RCC1: variants seen among roughly 807,000 people sequenced by gnomAD.
The protein encoded by RCC1 is regulator of chromosome condensation.
Under a neutral mutation model 44.4 loss-of-function variants are expected in RCC1, and 11 were observed. That is an observed-to-expected ratio of 0.25 (90% confidence interval 0.16 to 0.41). The LOEUF (loss-of-function observed/expected upper bound fraction) is 0.41, where lower values mean the gene tolerates loss of function less well. Among genes scored for constraint, RCC1 ranks in the 10% least tolerant of loss-of-function variants. RCC1 has a pLI of 1.00. For synonymous variants in RCC1, 213 were observed against 216.5 expected, an observed-to-expected ratio of 0.98 and a Z score of 0.14; for missense variants, 386 against 547.1, an observed-to-expected ratio of 0.71 and a Z score of 2.94.
In RCC1 at chr1:28,529,853, T is replaced by A; in HGVS notation, c.-9-5T>A. The stretch of plus-strand genomic sequence containing the variant: ...TCTCATATGTAGTATTTGACTGACT[T>A]TCAGGACAGGAAGATGTCACCCAAG... On this transcript the variant is annotated splice_polypyrimidine_tract_variant and splice_region_variant and intron_variant, in intron 4 of 12. Transcript: ENST00000683442. 6.2e-7 allele frequency: 1 copy of A among 1,613,378 alleles called. No individual in the cohort carries two copies. Among genetic ancestry groups the A allele is most frequent in the Non-Finnish European group, 8.5e-7 (1 of 1,179,384 alleles).
Position 28,529,851 on chromosome 1 carries a change from C to T in RCC1, c.-9-7C>T. 5 of 1,612,940 alleles carry T rather than the reference C, an allele frequency of 3.1e-6. No individual in the cohort carries two copies. Among genetic ancestry groups the T allele is most frequent in the Non-Finnish European group, 4.2e-6 (5 of 1,178,990 alleles). ...TTTCTCATATGTAGTATTTGACTGA[C>T]TTTCAGGACAGGAAGATGTCACCCA... On this transcript the variant is annotated splice_polypyrimidine_tract_variant and splice_region_variant and intron_variant, in intron 4 of 12. Transcript: ENST00000683442.
intron 2 of RCC1, chr1:28,508,616 G>C (rs1440183229): frequency 3.9e-6 from 2 of 518,806 alleles, no homozygotes; most frequent in South Asian, 2.8e-5. Flanking sequence ...TGGCATAGGG[G>C]AGCTTAGGGC....
At chr1:28,516,193 A>C (rs1265078876) in intron 3 of RCC1, among the ~76,000 whole-genome samples, 1 of 151,508 alleles carries the variant, frequency 6.6e-6, no homozygotes, top group Non-Finnish European at 1.5e-5. Flanking sequence ...CCTGGCCAAC[A>C]TGGAGAAACC....
chr1:28,508,239 CTT>C (rs779429556), intron 2 of RCC1, 79 bp downstream of exon 2: 13 of 395,568 alleles, frequency 3.3e-5, no homozygotes, highest in South Asian at 1.6e-4. Context: ...ATTGAAGAGA[CTT>C]TTATTCTAGT....
At position 28,532,314 on chromosome 1, in the gene RCC1, C is replaced by T. The variant is rs1381554355; in HGVS notation, c.405C>T (p.Thr135=). 1.1e-5 allele frequency: 17 copies of T among 1,614,074 alleles called. No homozygotes were observed. The highest frequency in any genetic ancestry group is 6.7e-5 in the East Asian group (3 of 44,878). Residue 135 remains threonine, a synonymous_variant, in exon 7 of 13, where the codon ACC becomes ACT. Transcript: ENST00000683442. ...GAGACAGTCACACAGCAGCCCTCAC[C>T]GATGATGGCCGTGTCTTCCTCTGGG... ...SAGDSHTAAL[T]DDGRVFLWGS...
At chr1:28,513,838 G>T (rs1218753386) in intron 3 of RCC1, among the ~76,000 whole-genome samples, 2 of 151,068 alleles carry the variant, frequency 1.3e-5, no homozygotes, top group Non-Finnish European at 3.0e-5. Context: ...TCCCACCTTG[G>T]CCTCCCAAAG....
At chr1:28,537,348 G>A (rs1664616276) in intron 12 of RCC1, among the ~76,000 whole-genome samples, 2 of 152,202 alleles carry the variant, frequency 1.3e-5, no homozygotes, top group Admixed American at 1.3e-4. Flanking sequence ...GTGTGAACAA[G>A]TGACCACCAA....
intron 5 of RCC1, 120 bp from the exon 6 acceptor site, chr1:28,531,683 A>G (rs1178304030): frequency 1.4e-6 from 1 of 733,656 alleles, no homozygotes; most frequent in Non-Finnish European, 2.0e-6. Flanking sequence ...TAGAAAGTTC[A>G]TACTAACAGT....
intron 9 of RCC1, 58 bp from the exon 10 acceptor site, chr1:28,535,807 TCGGGGC>T: frequency 6.4e-7 from 1 of 1,551,230 alleles, no homozygotes; most frequent in Non-Finnish European, 8.8e-7. Flanking sequence ...AGAATTAAAC[TCGGGGC>T]AGAGAGAAGC....
intron 4 of RCC1, among the ~76,000 whole-genome samples, chr1:28,523,125 G>A (rs1446484755): frequency 3.5e-5 from 5 of 142,042 alleles, no homozygotes; most frequent in African/African-American, 5.3e-5. Flanking sequence ...TCTGCCTCCC[G>A]GGTTCACGCC....
chr1:28,518,738 C>T (rs919632307), intron 4 of RCC1: 14 of 152,090 alleles, frequency 9.2e-5, no homozygotes, highest in African/African-American at 3.4e-4. Context: ...GGGAGGGAGC[C>T]CTGCCCGGGA....
intron 7 of RCC1, among the ~76,000 whole-genome samples, chr1:28,534,346 A>G (rs1319097014): frequency 6.6e-6 from 1 of 151,812 alleles, no homozygotes; most frequent in Non-Finnish European, 1.5e-5. Flanking sequence ...ACGCCCGGCT[A>G]ATTTTTTGTA....
chr1:28,532,940 C>T (rs1314038454), intron 7 of RCC1, among the ~76,000 whole-genome samples: 3 of 152,082 alleles, frequency 2.0e-5, no homozygotes, highest in African/African-American at 2.4e-5. Context: ...CTCAGCCTCC[C>T]AAGTAGCTGG....
chr1:28,535,817 G>C (rs1301794902), intron 9 of RCC1, 54 bp from the exon 10 acceptor site: 14 of 1,574,738 alleles, frequency 8.9e-6, no homozygotes, highest in Non-Finnish European at 8.6e-6. Flanking sequence ...TCGGGGCAGA[G>C]AGAAGCCATG....
chr1:28,519,283 A>G (rs1324290680), intron 4 of RCC1, among the ~76,000 whole-genome samples: 2 of 152,110 alleles, frequency 1.3e-5, no homozygotes, highest in East Asian at 3.8e-4. Context: ...ACAAGATGAT[A>G]CAGCAGGGGC....
At chr1:28,533,181 T>C (rs1664287152) in intron 7 of RCC1, among the ~76,000 whole-genome samples, 1 of 151,872 alleles carries the variant, frequency 6.6e-6, no homozygotes, top group South Asian at 2.1e-4. Context: ...ATGAAAGTAA[T>C]CAGAATTGGG....
rs1046015033 is a variant in RCC1, at chr1:28,538,088, C to T, written c.*81C>T. 31 of 1,333,332 alleles carry T rather than the reference C, an allele frequency of 2.3e-5. No individual in the cohort carries two copies. In the East Asian group the frequency reaches 2.4e-4, roughly 11 times the overall value. The allele number at this position is 1,333,332 out of a possible 1,614,324, so 82.6% of individuals were successfully genotyped here. A position where few individuals can be genotyped will look rare whatever the true frequency, so the allele number is the denominator to read the frequency against. On this transcript the variant is annotated 3_prime_UTR_variant, in exon 13 of 13. Transcript: ENST00000683442. ...AAGCAGTGACAGCTGCAGATGGCAGCGGGCCTCTCCCCAGCCCTGAGCACT... is the reference window on the plus strand; with the variant it reads ...AAGCAGTGACAGCTGCAGATGGCAGTGGGCCTCTCCCCAGCCCTGAGCACT...
chr1:28,513,160 C>T (rs1183964258), intron 3 of RCC1, among the ~76,000 whole-genome samples: 3 of 151,958 alleles, frequency 2.0e-5, no homozygotes, highest in Non-Finnish European at 2.9e-5. Context: ...CTTCTGCCTC[C>T]GGAGTAGCTG....
intron 4 of RCC1, among the ~76,000 whole-genome samples, chr1:28,521,499 CAGAAAAAAAAAA>C (rs758187399): frequency 1.1e-3 from 132 of 117,416 alleles, no homozygotes; most frequent in African/African-American, 3.1e-3. Flanking sequence ...GACTCCACCT[CAGAAAAAAAAAA>C]AAAAAAAAAA....
Sources: gnomAD v4.1 joint callset for allele counts (sites outside exome capture counted in the v4.1 genomes callset) on GRCh38, gnomAD v4.1.1 for gene constraint, MANE v1.5 for transcripts, NCBI Gene and HGNC (gene_info 2026-07-23, HGNC 2026-07-21) for gene names.